Variants in INPP5A observed in about 807,000 individuals in gnomAD.
The protein encoded by INPP5A is 43 kDa inositol polyphosphate 5-phophatase.
In INPP5A, 14 loss-of-function variants were observed where a neutral mutation model predicts 65.2. That is an observed-to-expected ratio of 0.21 (90% confidence interval 0.14 to 0.34). The LOEUF is 0.34. Ranked by LOEUF, INPP5A falls within the 10% of genes least tolerant of loss-of-function variation. The probability of loss-of-function intolerance (pLI) is 1.00; values close to 1 mark genes in which losing one functional copy is unlikely to be tolerated. For missense variants in INPP5A, 431 were observed against 545.6 expected (o/e 0.79, Z 2.09); for synonymous variants, 207 against 208.3 (o/e 0.99, Z 0.05).
chr10:132,625,202 G>C lies in INPP5A; in HGVS notation c.117+17246G>C, dbSNP rs1365163446. Among the ~76,000 whole-genome samples, 11 of 146,886 alleles carry C rather than the reference G, an allele frequency of 7.5e-5. No homozygotes were observed. In the Admixed American group the frequency reaches 7.6e-4, roughly 10 times the overall value. The stretch of plus-strand genomic sequence containing the variant: ...CCTCGCACAGGCCACCGCTCCCTCT[G>C]ACGGCACCTCTGCTCCCTGCCTGTC... On this transcript the variant is annotated intron_variant, in intron 2 of 15. Coordinates refer to ENST00000368594, the MANE Select transcript of INPP5A (RefSeq NM_005539.5).
At chr10:132,653,481 G>T (rs1043569275) in intron 4 of INPP5A, among the ~76,000 whole-genome samples, 1 of 152,140 alleles carries the variant, frequency 6.6e-6, no homozygotes, top group South Asian at 2.1e-4. Context: ...CGAGCTCTGG[G>T]GTTGTTCTCC....
chr10:132,702,030 C>T (rs1016568518), intron 6 of INPP5A, among the ~76,000 whole-genome samples: 4 of 152,214 alleles, frequency 2.6e-5, no homozygotes, highest in South Asian at 2.1e-4. Flanking sequence ...AGGATGCGAC[C>T]GCACCTGCAG....
At chr10:132,561,417 C>A (rs1274128666) in intron 1 of INPP5A, among the ~76,000 whole-genome samples, 1 of 151,678 alleles carries the variant, frequency 6.6e-6, no homozygotes, top group Non-Finnish European at 1.5e-5. Flanking sequence ...TTTTGCATAT[C>A]CATATCTGGT....
chr10:132,782,082 G>A lies in INPP5A; in HGVS notation c.*53G>A. The A allele has an allele frequency of 1.3e-6, 2 of 1,547,178 alleles. No homozygotes were observed. Among genetic ancestry groups the A allele is most frequent in the Non-Finnish European group, 1.7e-6 (2 of 1,142,944 alleles). On this transcript the variant is annotated 3_prime_UTR_variant, in exon 16 of 16. Transcript: ENST00000368594. The surrounding 1 kb of genome is among the most constrained non-coding windows in gnomAD (Gnocchi z 4.4). ...GAGAGGACACTTCGTGAGCCTCCCT[G>A]TAGCCGTGGACCGAATACGCACTCT...
chr10:132,776,438 T>G (rs1321202935), intron 12 of INPP5A, among the ~76,000 whole-genome samples: 1 of 152,110 alleles, frequency 6.6e-6, no homozygotes, highest in Admixed American at 6.5e-5. Flanking sequence ...TGGGAGGGGC[T>G]GCAGAATCCG....
At chr10:132,582,045 T>G (rs904005357) in intron 1 of INPP5A, among the ~76,000 whole-genome samples, 7 of 152,124 alleles carry the variant, frequency 4.6e-5, no homozygotes, top group African/African-American at 1.7e-4. Flanking sequence ...TTCACCATGT[T>G]GGCCAGGATG....
intron 9 of INPP5A, among the ~76,000 whole-genome samples, chr10:132,731,939 A>C (rs1361565896): frequency 6.6e-6 from 1 of 152,198 alleles, no homozygotes; most frequent in African/African-American, 2.4e-5. Context: ...CACCCAGGGG[A>C]GCCCCTGTCT....
At chr10:132,626,156 C>T (rs1381251602) in intron 2 of INPP5A, among the ~76,000 whole-genome samples, 1 of 152,246 alleles carries the variant, frequency 6.6e-6, no homozygotes, top group African/African-American at 2.4e-5. Flanking sequence ...GAGCCAGTTC[C>T]GTGTTGTCAC....
chr10:132,695,740 C>T (rs909485777), intron 5 of INPP5A, among the ~76,000 whole-genome samples: 3 of 152,178 alleles, frequency 2.0e-5, no homozygotes, highest in African/African-American at 7.2e-5. Flanking sequence ...AAACATAATA[C>T]CATTTGCTTA....
At chr10:132,710,727 G>A (rs1845621420) in intron 8 of INPP5A, among the ~76,000 whole-genome samples, 1 of 150,308 alleles carries the variant, frequency 6.7e-6, no homozygotes, top group Non-Finnish European at 1.5e-5. Context: ...GCAGGTAGGT[G>A]TGAGTGGAGA....
At chr10:132,677,326 C>T (rs570635100) in intron 4 of INPP5A, among the ~76,000 whole-genome samples, 9 of 152,278 alleles carry the variant, frequency 5.9e-5, no homozygotes, top group Admixed American at 2.0e-4. Flanking sequence ...CCCCTCACCA[C>T]GCTGCCGTCT....
intron 1 of INPP5A, among the ~76,000 whole-genome samples, chr10:132,574,893 G>A (rs1487945589): frequency 6.6e-6 from 1 of 152,094 alleles, no homozygotes; most frequent in Non-Finnish European, 1.5e-5. Context: ...GCTCTGGGGA[G>A]GTGCTTGTCC....
In INPP5A at chr10:132,575,100, T is replaced by C. The variant is rs2071398554; in HGVS notation, c.76-32815T>C. 6.6e-6 allele frequency among the ~76,000 whole-genome samples: 1 copy of C among 152,114 alleles called. No homozygotes were observed. Among genetic ancestry groups the C allele is most frequent in the Non-Finnish European group, 1.5e-5 (1 of 68,020 alleles). ...AACACATGATGCCAGGTCCACAGGG[T>C]GACAGGTGACAGGTGACCCAGCCTT... On this transcript the variant is annotated intron_variant, in intron 1 of 15. Transcript: ENST00000368594. This position sits in a 1 kb window ranked among gnomAD's most constrained non-coding sequence, Gnocchi z 5.4.
intron 1 of INPP5A, among the ~76,000 whole-genome samples, chr10:132,594,375 G>A (rs1050230510): frequency 2.0e-5 from 3 of 152,218 alleles, no homozygotes; most frequent in Admixed American, 2.0e-4. Context: ...ACTGCGGAAC[G>A]TACTGAGACT....
Position 132,645,959 on chromosome 10 carries a change from A to T in INPP5A, c.209A>T (p.Lys70Met), listed in dbSNP as rs748249912. 6.2e-7 allele frequency: 1 copy of T among 1,612,084 alleles called. No homozygotes were observed. Among genetic ancestry groups the T allele is most frequent in the African/African-American group, 1.3e-5 (1 of 74,906 alleles). Residue 70 changes from lysine to methionine, a missense_variant, in exon 3 of 16, where the codon AAG becomes ATG. Lys to Met is a moderately conservative substitution (Grantham distance 95, BLOSUM62 -1). Transcript: ENST00000368594. ...NYEASMSHVD[K>M]FVKELLSSDA... ...GAGGCCTCCATGTCCCACGTGGACA[A>T]GTTCGTCAAGTAAGTCTAGGGGCAG...
In INPP5A at chr10:132,705,838, G is replaced by C. The variant is rs139914191; in HGVS notation, c.475-2475G>C. Among the ~76,000 whole-genome samples, 49 of 152,250 alleles carry C rather than the reference G, an allele frequency of 3.2e-4. No homozygotes were observed. The highest frequency in any genetic ancestry group is 1.2e-3 in the African/African-American group (49 of 41,526). On this transcript the variant is annotated intron_variant, in intron 6 of 15. Transcript: ENST00000368594. The surrounding 1 kb of genome is among the most constrained non-coding windows in gnomAD (Gnocchi z 4.9). ...GTGGGGTGGCCATGGAACTGCACAG[G>C]TGAGGAGGGGGCGCCTCTCACTCCC...
At chr10:132,539,080 CCCTGAAT>C (rs1443713437) in intron 1 of INPP5A, among the ~76,000 whole-genome samples, 4 of 152,280 alleles carry the variant, frequency 2.6e-5, no homozygotes, top group South Asian at 2.1e-4. Context: ...AAGCTCCTGC[CCCTGAAT>C]CCTGAATCCT....
intron 1 of INPP5A, among the ~76,000 whole-genome samples, chr10:132,544,877 A>G (rs1202275135): frequency 6.6e-6 from 1 of 151,562 alleles, no homozygotes; most frequent in Admixed American, 6.6e-5. Flanking sequence ...CTGTTTTTTT[A>G]TCAGTCTCTA....
chr10:132,669,433 T>C (rs2072853474), intron 4 of INPP5A, among the ~76,000 whole-genome samples: 1 of 152,110 alleles, frequency 6.6e-6, no homozygotes, highest in African/African-American at 2.4e-5. Flanking sequence ...AGGCTTTCTA[T>C]GTAGCACGTC....
Sources: allele counts gnomAD v4.1 joint callset (sites outside exome capture counted in the v4.1 genomes callset), GRCh38; gene constraint gnomAD v4.1.1; non-coding constraint Gnocchi (gnomAD v3.1); transcripts MANE v1.5; gene names NCBI Gene and HGNC (gene_info 2026-07-23, HGNC 2026-07-21).